CACNA2D1: variants seen among roughly 807,000 people sequenced by gnomAD.
CACNA2D1 encodes the protein voltage-dependent calcium channel subunit alpha-2/delta-1.
Under a neutral mutation model 171.5 loss-of-function variants are expected in CACNA2D1, and 53 were observed. The observed-to-expected ratio is 0.31, with a 90% CI of 0.25 to 0.39. CACNA2D1 has a LOEUF of 0.39. CACNA2D1 is among the 10% of genes least tolerant of loss of function. The pLI, the probability that CACNA2D1 is intolerant of heterozygous loss-of-function variation, is 1.00. For missense variants in CACNA2D1, 903 were observed against 1,299.8 expected (o/e 0.69, Z 4.69); for synonymous variants, 442 against 443.1 (o/e 1.00, Z 0.03).
intron 12 of CACNA2D1, among the ~76,000 whole-genome samples, chr7:82,031,786 C>T (rs1350134862): frequency 6.6e-6 from 1 of 151,800 alleles, no homozygotes; most frequent in Non-Finnish European, 1.5e-5. Context: ...ACACCCAATC[C>T]ATGTGTGTTC....
At chr7:81,958,942 ATAAAAT>A (rs1023876795) in intron 38 of CACNA2D1, among the ~76,000 whole-genome samples, 1 of 152,032 alleles carries the variant, frequency 6.6e-6, no homozygotes, top group Admixed American at 6.6e-5. Context: ...CAAAAATATA[ATAAAAT>A]TAACTTTTAT....
chr7:82,363,406 A>G (rs924065853), intron 1 of CACNA2D1, among the ~76,000 whole-genome samples: 2 of 151,680 alleles, frequency 1.3e-5, no homozygotes, highest in Non-Finnish European at 2.9e-5. Context: ...CTGGGACTAC[A>G]GGCACCTGCC....
chr7:82,181,849 T>C (rs1473300973), intron 3 of CACNA2D1, among the ~76,000 whole-genome samples: 1 of 152,150 alleles, frequency 6.6e-6, no homozygotes, highest in Non-Finnish European at 1.5e-5. Flanking sequence ...GTGAAAACAG[T>C]AAAATAAAAA....
intron 3 of CACNA2D1, among the ~76,000 whole-genome samples, chr7:82,188,736 T>A (rs1798007370): frequency 6.6e-6 from 1 of 152,108 alleles, no homozygotes; most frequent in Non-Finnish European, 1.5e-5. Context: ...TTCACAGCAC[T>A]ATTCATAATA....
At chr7:81,989,303 A>G (rs936458808) in intron 21 of CACNA2D1, among the ~76,000 whole-genome samples, 93 of 152,206 alleles carry the variant, frequency 6.1e-4, no homozygotes, top group African/African-American at 2.1e-3. Context: ...AGACTGAATG[A>G]GGTAGCAAAT....
At chr7:82,092,794 T>G (rs1217058146) in intron 6 of CACNA2D1, among the ~76,000 whole-genome samples, 1 of 151,918 alleles carries the variant, frequency 6.6e-6, no homozygotes, top group Non-Finnish European at 1.5e-5. Context: ...TTTCAGTAAA[T>G]ACATAGCCTG....
intron 1 of CACNA2D1, among the ~76,000 whole-genome samples, chr7:82,428,293 T>C (rs1829372116): frequency 6.6e-6 from 1 of 152,126 alleles, no homozygotes; most frequent in Non-Finnish European, 1.5e-5. Context: ...TGTACTGATT[T>C]AGTGAACAGA....
intron 6 of CACNA2D1, among the ~76,000 whole-genome samples, chr7:82,108,349 T>A (rs2129044830): frequency 6.6e-6 from 1 of 152,290 alleles, no homozygotes; most frequent in Non-Finnish European, 1.5e-5. Flanking sequence ...TCCTCATATC[T>A]GCATGTACTC....
intron 12 of CACNA2D1, among the ~76,000 whole-genome samples, chr7:82,023,274 A>T (rs1801471278): frequency 1.3e-5 from 2 of 151,942 alleles, no homozygotes; most frequent in South Asian, 4.1e-4. Flanking sequence ...CAGCTGTGTG[A>T]GGAGATTAAC....
chr7:82,006,302 T>C (rs1176204713), intron 16 of CACNA2D1, among the ~76,000 whole-genome samples: 1 of 152,006 alleles, frequency 6.6e-6, no homozygotes, highest in Non-Finnish European at 1.5e-5. Flanking sequence ...TTCCTGTGTA[T>C]GTAACTATCC....
At chr7:82,434,854 G>A (rs1829988795) in intron 1 of CACNA2D1, among the ~76,000 whole-genome samples, 1 of 151,626 alleles carries the variant, frequency 6.6e-6, no homozygotes, top group African/African-American at 2.4e-5. Context: ...TCCTTTAAGG[G>A]GTCATCTAGT....
intron 6 of CACNA2D1, among the ~76,000 whole-genome samples, chr7:82,105,299 C>G (rs1422517927): frequency 6.7e-6 from 1 of 149,624 alleles, no homozygotes; most frequent in Non-Finnish European, 1.5e-5. Context: ...TAATGAATGA[C>G]AAATACAGAG....
At chr7:82,032,630 A>T (rs1802843289) in intron 12 of CACNA2D1, among the ~76,000 whole-genome samples, 167 bp downstream of exon 12, 1 of 151,834 alleles carries the variant, frequency 6.6e-6, no homozygotes, top group South Asian at 2.1e-4. Context: ...TATACTTAAC[A>T]GCTCTCTAAT....
chr7:82,111,568 C>T (rs1250103384), intron 6 of CACNA2D1, among the ~76,000 whole-genome samples: 3 of 150,548 alleles, frequency 2.0e-5, no homozygotes, highest in Non-Finnish European at 4.4e-5. Flanking sequence ...CAACCTCTGC[C>T]TTCCAAGGAG....
Position 82,443,492 on chromosome 7 carries a change from C to A in CACNA2D1, c.-33G>T, listed in dbSNP as rs771413577. 54 of 1,600,344 alleles carry A rather than the reference C, an allele frequency of 3.4e-5. No homozygotes were observed. The highest frequency in any genetic ancestry group is 4.3e-5 in the Non-Finnish European group (51 of 1,173,522). Reference sequence around the variant, plus strand: ...ATCGAAGATCAATGCCCCCTCCCTGCCCAAGCGGGGGAAGGAGCGGCGCTG... The same window carrying A: ...ATCGAAGATCAATGCCCCCTCCCTGACCAAGCGGGGGAAGGAGCGGCGCTG... On this transcript the variant is annotated 5_prime_UTR_variant, in exon 1 of 39. Coordinates refer to ENST00000356860, the MANE Select transcript of CACNA2D1 (RefSeq NM_000722.4).
chr7:81,954,054 C>T (rs1293239483), intron 38 of CACNA2D1, among the ~76,000 whole-genome samples: 1 of 152,028 alleles, frequency 6.6e-6, no homozygotes, highest in Non-Finnish European at 1.5e-5. Flanking sequence ...AAGCATTTTG[C>T]ATGGTGCAAG....
chr7:82,321,840 T>C (rs1815936052), intron 3 of CACNA2D1, among the ~76,000 whole-genome samples: 1 of 152,064 alleles, frequency 6.6e-6, no homozygotes, highest in South Asian at 2.1e-4. Context: ...AAAAACAAGC[T>C]AAGTGGCCGG....
chr7:81,968,740 A>G lies in CACNA2D1; in HGVS notation c.2395+147T>C, dbSNP rs73379519. The G allele has an allele frequency of 0.083, 48,764 of 588,328 alleles. 2,244 individuals carry two copies. Among genetic ancestry groups the G allele is most frequent in the Non-Finnish European group, 0.088 (29,062 of 329,142 alleles). The allele number at this position is 588,328 out of a possible 1,614,324, so 36.4% of individuals were successfully genotyped here. A position where few individuals can be genotyped will look rare whatever the true frequency, so the allele number is the denominator to read the frequency against. ...CCCAACTTCAGAGGTAACTAGTCAT[A>G]TTTTATTTAATTTTTTTAAGTGTGC... On this transcript the variant is annotated intron_variant, in intron 29 of 38. Coordinates refer to ENST00000356860, the MANE Select transcript of CACNA2D1 (RefSeq NM_000722.4).
chr7:82,303,177 T>C (rs1045860001), intron 3 of CACNA2D1, among the ~76,000 whole-genome samples: 1 of 152,068 alleles, frequency 6.6e-6, no homozygotes, highest in Non-Finnish European at 1.5e-5. Context: ...TTTTGTATTT[T>C]TAGTAGAGAC....
Sources: allele counts gnomAD v4.1 joint callset (sites outside exome capture counted in the v4.1 genomes callset), GRCh38; gene constraint gnomAD v4.1.1; transcripts MANE v1.5; gene names NCBI Gene and HGNC (gene_info 2026-07-23, HGNC 2026-07-21).